Variants in MOB3B observed in about 807,000 individuals in gnomAD.
MOB3B encodes the protein MOB kinase activator 3B.
In MOB3B, 7 loss-of-function variants were observed where a neutral mutation model predicts 18.7. The observed-to-expected ratio is 0.37, with a 90% CI of 0.21 to 0.70. MOB3B has a LOEUF of 0.70. Among genes scored for constraint, MOB3B ranks in the 30% least tolerant of loss-of-function variants. MOB3B has a pLI of 0.52. For missense variants in MOB3B, 253 were observed against 281.3 expected (o/e 0.90, Z 0.72); for synonymous variants, 111 against 99.9 (o/e 1.11, Z -0.66).
chr9:27,431,422 T>G (rs1822416169), intron 2 of MOB3B, among the ~76,000 whole-genome samples: 1 of 152,216 alleles, frequency 6.6e-6, no homozygotes, highest in South Asian at 2.1e-4. Flanking sequence ...CTTGGATATT[T>G]CTTCACAAGA....
In MOB3B at chr9:27,400,354, C is replaced by T. The variant is rs536411542; in HGVS notation, c.419-41118G>A. ...CCAATGCACCCACTTTTCCCCATTG[C>T]GGTGACCTCCTCTCAGTTCCATGAG... On this transcript the variant is annotated intron_variant, in intron 2 of 3. Coordinates refer to ENST00000262244, the MANE Select transcript of MOB3B (RefSeq NM_024761.5). Among the ~76,000 whole-genome samples the T allele has an allele frequency of 3.3e-5, 5 of 152,252 alleles. No individual in the cohort carries two copies. The South Asian group carries it at 6.2e-4, about 19-fold the overall frequency.
chr9:27,412,957 TA>T, intron 2 of MOB3B, among the ~76,000 whole-genome samples: 1 of 152,210 alleles, frequency 6.6e-6, no homozygotes, highest in Non-Finnish European at 1.5e-5. Flanking sequence ...ACCATTCATT[TA>T]GATGGATTCT....
chr9:27,513,464 A>G (rs1045420716), intron 1 of MOB3B, among the ~76,000 whole-genome samples: 2 of 152,122 alleles, frequency 1.3e-5, no homozygotes, highest in African/African-American at 4.8e-5. Context: ...ATACGTTTTA[A>G]CTGGTCTTAG....
intron 2 of MOB3B, among the ~76,000 whole-genome samples, chr9:27,412,180 CG>C (rs1351605481): frequency 6.5e-5 from 8 of 122,990 alleles, no homozygotes; most frequent in Admixed American, 4.5e-4. Context: ...ACCCTTATGA[CG>C]AAAAAAAAAA....
At chr9:27,382,647 T>C (rs1231689448) in intron 2 of MOB3B, among the ~76,000 whole-genome samples, 1 of 151,856 alleles carries the variant, frequency 6.6e-6, no homozygotes, top group East Asian at 1.9e-4. Flanking sequence ...TCCCAAGGCA[T>C]AATAAAAACC....
intron 1 of MOB3B, among the ~76,000 whole-genome samples, chr9:27,522,817 A>G (rs1250258565): frequency 1.3e-5 from 2 of 152,116 alleles, no homozygotes; most frequent in African/African-American, 4.8e-5. Context: ...ATAACGCTAT[A>G]TAAAAGGGCT....
intron 1 of MOB3B, among the ~76,000 whole-genome samples, chr9:27,492,167 G>A (rs1303231756): frequency 6.6e-6 from 1 of 152,096 alleles, no homozygotes; most frequent in Non-Finnish European, 1.5e-5. Context: ...GAAAGTTGTG[G>A]AAAAATATGA....
At chr9:27,514,589 T>C (rs531931561) in intron 1 of MOB3B, among the ~76,000 whole-genome samples, 7 of 152,318 alleles carry the variant, frequency 4.6e-5, no homozygotes, top group Admixed American at 1.3e-4. Context: ...GTATATATAA[T>C]AGGAAATGCA....
In MOB3B at chr9:27,330,422, G is replaced by T; in HGVS notation, c.*165C>A. 2.4e-6 allele frequency: 2 copies of T among 836,898 alleles called. No individual in the cohort carries two copies. Among genetic ancestry groups the T allele is most frequent in the Non-Finnish European group, 3.7e-6 (2 of 541,112 alleles). The allele number at this position is 836,898 out of a possible 1,614,324, so 51.8% of individuals were successfully genotyped here. A position where few individuals can be genotyped will look rare whatever the true frequency, so the allele number is the denominator to read the frequency against. On this transcript the variant is annotated 3_prime_UTR_variant, in exon 4 of 4. Coordinates refer to ENST00000262244, the MANE Select transcript of MOB3B (RefSeq NM_024761.5). Reference sequence around the variant, plus strand: ...GCTAGCAGCACTCAGAAGGTTAAGAGCACACAAAGTGAGTGGGGAATGTCT... The same window carrying T: ...GCTAGCAGCACTCAGAAGGTTAAGATCACACAAAGTGAGTGGGGAATGTCT...
In MOB3B at chr9:27,355,274, G is replaced by A. The variant is rs554920788; in HGVS notation, c.621+3760C>T. ...AGAGGGAAAGATGAGGTGGTGGGGG[G>A]GTCTCAGAGTTCCATACTGTGGAAT... On this transcript the variant is annotated intron_variant, in intron 3 of 3. Transcript: ENST00000262244. 3.3e-5 allele frequency among the ~76,000 whole-genome samples: 5 copies of A among 152,220 alleles called. No individual in the cohort carries two copies. The South Asian group carries it at 8.3e-4, about 25-fold the overall frequency.
At chr9:27,363,286 G>A (rs1387790974) in intron 2 of MOB3B, among the ~76,000 whole-genome samples, 1 of 152,014 alleles carries the variant, frequency 6.6e-6, no homozygotes, top group Admixed American at 6.6e-5. Context: ...TTGTTTTTGT[G>A]TTTTTTTGAG....
In MOB3B at chr9:27,479,227, AAGAG is replaced by A. The variant is rs1240839890; in HGVS notation, c.-198-23483_-198-23480del. 2.0e-5 allele frequency among the ~76,000 whole-genome samples: 3 copies of A among 151,942 alleles called. 1 individual carries two copies. Among genetic ancestry groups the A allele is most frequent in the African/African-American group, 7.3e-5 (3 of 41,376 alleles). On this transcript the variant is annotated intron_variant, in intron 1 of 3. Transcript: ENST00000262244. ...TCATGGCAGAAGGCATCATATGGGC[AAGAG>A]AGAGAGAGGGAAGGAGGCTAAACTC...
chr9:27,380,302 G>C (rs539570995), intron 2 of MOB3B, among the ~76,000 whole-genome samples: 2 of 138,588 alleles, frequency 1.4e-5, no homozygotes, highest in South Asian at 4.6e-4. Flanking sequence ...ATCTCACTCT[G>C]TCGCCAGGCT....
chr9:27,358,847 A>G (rs1479965406), intron 3 of MOB3B, 187 bp downstream of exon 3: 2 of 764,164 alleles, frequency 2.6e-6, no homozygotes, highest in Non-Finnish European at 4.8e-6. Flanking sequence ...TCGGACACTT[A>G]TTTGGTGACA....
At chr9:27,350,352 A>G (rs1821087505) in intron 3 of MOB3B, among the ~76,000 whole-genome samples, 1 of 152,048 alleles carries the variant, frequency 6.6e-6, no homozygotes, top group African/African-American at 2.4e-5. Context: ...TTTCCAGTAC[A>G]GTTTTGTATC....
intron 1 of MOB3B, among the ~76,000 whole-genome samples, chr9:27,458,635 C>T (rs1306301768): frequency 7.0e-6 from 1 of 141,968 alleles, no homozygotes; most frequent in Non-Finnish European, 1.5e-5. Context: ...ACTGCAGCCT[C>T]GACCTCCCAG....
intron 2 of MOB3B, among the ~76,000 whole-genome samples, chr9:27,442,033 AACAATATT>A (rs1382033644): frequency 6.6e-6 from 1 of 152,204 alleles, no homozygotes; most frequent in Admixed American, 6.5e-5. Flanking sequence ...TGAAGAGTAA[AACAATATT>A]ACTCTCTTTA....
In MOB3B at chr9:27,492,451, C is replaced by T. The variant is rs112494293; in HGVS notation, c.-198-36703G>A. Reference sequence around the variant, plus strand: ...TGTATTCCACAGCAAAGAAATAGGCCCAGGTATCAAACAGGTAGTCTGCCA... The same window carrying T: ...TGTATTCCACAGCAAAGAAATAGGCTCAGGTATCAAACAGGTAGTCTGCCA... On this transcript the variant is annotated intron_variant, in intron 1 of 3. Transcript: ENST00000262244. 4.2e-3 allele frequency among the ~76,000 whole-genome samples: 643 copies of T among 152,184 alleles called. 6 individuals are homozygous for T. The highest frequency in any genetic ancestry group is 0.015 in the African/African-American group (620 of 41,522).
In MOB3B at chr9:27,351,602, A is replaced by T. The variant is rs189402774; in HGVS notation, c.621+7432T>A. Among the ~76,000 whole-genome samples the T allele has an allele frequency of 1.7e-3, 260 of 152,352 alleles. 2 individuals carry two copies. Among genetic ancestry groups the T allele is most frequent in the Middle Eastern group, 0.014 (4 of 294 alleles). The stretch of plus-strand genomic sequence containing the variant: ...AAGCAACCCAGAGGCCTCTGTACAG[A>T]TGATGTTTCAAAAGAAAAGGTCCTT... On this transcript the variant is annotated intron_variant, in intron 3 of 3. Coordinates refer to ENST00000262244, the MANE Select transcript of MOB3B (RefSeq NM_024761.5).
Sources: allele counts gnomAD v4.1 joint callset (sites outside exome capture counted in the v4.1 genomes callset), GRCh38; gene constraint gnomAD v4.1.1; transcripts MANE v1.5; gene names NCBI Gene and HGNC (gene_info 2026-07-23, HGNC 2026-07-21).